Variants in CNTN5 observed in about 807,000 individuals in gnomAD.
CNTN5 encodes the protein contactin-5.
CNTN5 carries 77 observed loss-of-function variants against 129.1 expected under a neutral mutation model. That is an observed-to-expected ratio of 0.60 (90% confidence interval 0.50 to 0.72). The LOEUF (loss-of-function observed/expected upper bound fraction) is 0.72, where lower values mean the gene tolerates loss of function less well. Among genes scored for constraint, CNTN5 ranks in the 30% least tolerant of loss-of-function variants. The probability of loss-of-function intolerance (pLI) is 0.00; values close to 1 mark genes in which losing one functional copy is unlikely to be tolerated. For missense variants in CNTN5, 1,478 were observed against 1,328.8 expected (o/e 1.11, Z -1.75); for synonymous variants, 509 against 465.6 (o/e 1.09, Z -1.20).
At position 99,688,805 on chromosome 11, in the gene CNTN5, C is replaced by T. The variant is rs140954452; in HGVS notation, c.56-130739C>T. 1.4e-3 allele frequency among the ~76,000 whole-genome samples: 219 copies of T among 152,132 alleles called. 1 individual carries two copies. Among genetic ancestry groups the T allele is most frequent in the African/African-American group, 5.0e-3 (207 of 41,532 alleles). On this transcript the variant is annotated intron_variant, in intron 3 of 24. Coordinates refer to ENST00000524871, the MANE Select transcript of CNTN5 (RefSeq NM_014361.4). ...CCAGTGTGTGTTTTCCCTCTCTACACGTTAATGTATTCTCATGATTTAGCA... is the reference window on the plus strand; with the variant it reads ...CCAGTGTGTGTTTTCCCTCTCTACATGTTAATGTATTCTCATGATTTAGCA...
chr11:99,999,299 C>T (rs1437558132), intron 8 of CNTN5, among the ~76,000 whole-genome samples: 1 of 152,108 alleles, frequency 6.6e-6, no homozygotes, highest in Admixed American at 6.6e-5. Flanking sequence ...TGAACTCCAA[C>T]AAATTTACAA....
chr11:99,470,678 A>C (rs1945136022), intron 2 of CNTN5, among the ~76,000 whole-genome samples: 1 of 152,152 alleles, frequency 6.6e-6, no homozygotes, highest in Non-Finnish European at 1.5e-5. Flanking sequence ...GAGGCATCAA[A>C]CTTGATTTAC....
intron 3 of CNTN5, among the ~76,000 whole-genome samples, chr11:99,567,288 A>G (rs1325872440): frequency 6.6e-6 from 1 of 152,196 alleles, no homozygotes; most frequent in East Asian, 1.9e-4. Flanking sequence ...ACATTAATAC[A>G]TATAGTTTTT....
chr11:100,287,035 G>A (rs964234837), intron 18 of CNTN5, among the ~76,000 whole-genome samples: 14 of 151,976 alleles, frequency 9.2e-5, no homozygotes, highest in Non-Finnish European at 1.9e-4. Context: ...ATGAAATGAA[G>A]CGAGAAGGGA....
At chr11:100,315,008 G>A (rs551395385) in intron 21 of CNTN5, among the ~76,000 whole-genome samples, 1 of 152,310 alleles carries the variant, frequency 6.6e-6, no homozygotes, top group African/African-American at 2.4e-5. Context: ...ACCTTATGAA[G>A]TTTGCAGTCT....
At chr11:100,187,716 T>A (rs1406960361) in intron 13 of CNTN5, among the ~76,000 whole-genome samples, 1 of 152,122 alleles carries the variant, frequency 6.6e-6, no homozygotes, top group Non-Finnish European at 1.5e-5. Context: ...TAAATGGTGT[T>A]GGGATCGCTG....
intron 21 of CNTN5, among the ~76,000 whole-genome samples, chr11:100,324,396 A>G (rs532547087): frequency 6.6e-6 from 1 of 152,296 alleles, no homozygotes; most frequent in African/African-American, 2.4e-5. Context: ...TCAAAAGATA[A>G]ATACATTGCT....
intron 3 of CNTN5, among the ~76,000 whole-genome samples, chr11:99,807,771 G>A (rs1946317420): frequency 6.6e-6 from 1 of 152,178 alleles, no homozygotes; most frequent in South Asian, 2.1e-4. Flanking sequence ...CTGTGTCTCT[G>A]TTGGCATATC....
At chr11:99,233,019 G>A (rs920549226) in intron 1 of CNTN5, among the ~76,000 whole-genome samples, 3 of 152,158 alleles carry the variant, frequency 2.0e-5, no homozygotes, top group South Asian at 2.1e-4. Flanking sequence ...TTGTTCAGCC[G>A]AGGAGAGGTT....
intron 3 of CNTN5, among the ~76,000 whole-genome samples, chr11:99,657,800 A>C (rs1487273238): frequency 1.3e-5 from 2 of 152,102 alleles, no homozygotes; most frequent in Admixed American, 6.6e-5. Context: ...AGAACATAAA[A>C]AATTCAAGGA....
chr11:99,743,456 A>G (rs572810396), intron 3 of CNTN5, among the ~76,000 whole-genome samples: 1 of 152,302 alleles, frequency 6.6e-6, no homozygotes, highest in East Asian at 1.9e-4. Flanking sequence ...ACTGTCCCAT[A>G]AAAACTGTGT....
At chr11:99,246,186 AGTT>A (rs1861806038) in intron 1 of CNTN5, among the ~76,000 whole-genome samples, 1 of 152,222 alleles carries the variant, frequency 6.6e-6, no homozygotes, top group South Asian at 2.1e-4. Context: ...CTGGAGAGGT[AGTT>A]GTTATCTAAT....
intron 6 of CNTN5, among the ~76,000 whole-genome samples, chr11:99,849,376 T>C (rs1565602783): frequency 6.6e-6 from 1 of 151,976 alleles, no homozygotes; most frequent in Non-Finnish European, 1.5e-5. Context: ...AGTATATATA[T>C]ACACATATGC....
At chr11:100,156,289 T>A (rs1309664483) in intron 13 of CNTN5, among the ~76,000 whole-genome samples, 1 of 152,190 alleles carries the variant, frequency 6.6e-6, no homozygotes, top group East Asian at 1.9e-4. Context: ...GTTCTGTTTA[T>A]GTGATGGATT....
intron 13 of CNTN5, among the ~76,000 whole-genome samples, chr11:100,088,053 T>G (rs1565228274): frequency 6.6e-6 from 1 of 151,460 alleles, no homozygotes; most frequent in Non-Finnish European, 1.5e-5. Context: ...AAAAAAAAAT[T>G]CTTTGAAATA....
intron 1 of CNTN5, among the ~76,000 whole-genome samples, chr11:99,280,288 A>C (rs1304771168): frequency 6.6e-6 from 1 of 151,838 alleles, no homozygotes; most frequent in Non-Finnish European, 1.5e-5. Flanking sequence ...CACATATGAA[A>C]TAAATCAAAA....
intron 7 of CNTN5, among the ~76,000 whole-genome samples, chr11:99,930,002 T>C (rs1009142690): frequency 6.6e-6 from 1 of 152,188 alleles, no homozygotes; most frequent in Non-Finnish European, 1.5e-5. Context: ...CTTAGCTCAG[T>C]GCTCTTATAG....
intron 2 of CNTN5, among the ~76,000 whole-genome samples, chr11:99,477,247 A>G (rs1945405429): frequency 6.6e-6 from 1 of 151,980 alleles, no homozygotes; most frequent in Non-Finnish European, 1.5e-5. Context: ...GACTCTTTTA[A>G]AAAATAATTT....
chr11:99,167,847 AAT>A (rs1446826630), intron 1 of CNTN5, among the ~76,000 whole-genome samples: 3 of 152,176 alleles, frequency 2.0e-5, no homozygotes, highest in African/African-American at 4.8e-5. Flanking sequence ...ATGAGGCTTG[AAT>A]ATCAACAGCT....
Sources: allele counts gnomAD v4.1 joint callset (sites outside exome capture counted in the v4.1 genomes callset), GRCh38; gene constraint gnomAD v4.1.1; transcripts MANE v1.5; gene names NCBI Gene and HGNC (gene_info 2026-07-23, HGNC 2026-07-21).